TECRL: variants seen among roughly 807,000 people sequenced by gnomAD.
The protein encoded by TECRL is trans-2,3-enoyl-CoA reductase like, also known as trans-2,3-enoyl-CoA reductase-like.
A neutral mutation model predicts 52.8 loss-of-function variants in TECRL; 63 were observed. The observed-to-expected ratio is 1.19, with a 90% CI of 0.97 to 1.47. TECRL has a LOEUF of 1.47. TECRL is among the 40% of genes most tolerant of loss of function. The probability of loss-of-function intolerance (pLI) is 0.00; values close to 1 mark genes in which losing one functional copy is unlikely to be tolerated. For missense variants in TECRL, 482 were observed against 429.6 expected (o/e 1.12, Z -1.08); for synonymous variants, 164 against 141.9 (o/e 1.16, Z -1.10).
Position 64,373,345 on chromosome 4 carries a change from G to A in TECRL, c.286+1827C>T, listed in dbSNP as rs1722115261. Among the ~76,000 whole-genome samples, 3 of 151,824 alleles carry A rather than the reference G, an allele frequency of 2.0e-5. No individual in the cohort carries two copies. The South Asian group carries it at 6.2e-4, about 32-fold the overall frequency. Reference sequence around the variant, plus strand: ...AATAGCTATCAATAATTCTTGCCCTGATATAACTATTGAAACTAACTATAC... The same window carrying A: ...AATAGCTATCAATAATTCTTGCCCTAATATAACTATTGAAACTAACTATAC... On this transcript the variant is annotated intron_variant, in intron 2 of 11. Transcript: ENST00000381210.
Position 64,409,305 on chromosome 4 carries a change from A to G in TECRL, c.47T>C (p.Leu16Ser). 2 of 1,613,814 alleles carry G rather than the reference A, an allele frequency of 1.2e-6. No homozygotes were observed. The highest frequency in any genetic ancestry group is 1.7e-6 in the Non-Finnish European group (2 of 1,179,802). The part of the protein sequence containing the change: ...KSLASERKRA[L>S]LSQRATRFIL... ...GAACCGTGTAGCTCTTTGGGAAAGT[A>G]ATGCTCTCTTGCGTTCCGAAGCGAG... Residue 16 changes from leucine to serine, a missense_variant, in exon 1 of 12, where the codon TTA becomes TCA. Transcript: ENST00000381210.
intron 2 of TECRL, among the ~76,000 whole-genome samples, chr4:64,367,691 CTT>C (rs1560533820): frequency 6.6e-6 from 1 of 151,872 alleles, no homozygotes; most frequent in East Asian, 1.9e-4. Context: ...TCATAATGAT[CTT>C]TTGTCTAAAA....
chr4:64,372,168 T>G (rs1333244581), intron 2 of TECRL, among the ~76,000 whole-genome samples: 1 of 151,694 alleles, frequency 6.6e-6, no homozygotes, highest in Non-Finnish European at 1.5e-5. Flanking sequence ...TTTCTTAAGC[T>G]CTCTAGAAGA....
intron 1 of TECRL, among the ~76,000 whole-genome samples, chr4:64,388,823 T>A (rs997588907): frequency 6.6e-6 from 1 of 151,910 alleles, no homozygotes; most frequent in African/African-American, 2.4e-5. Flanking sequence ...ATATAAATAA[T>A]GTGAATATGC....
In TECRL at chr4:64,280,196, C is replaced by A; in HGVS notation, c.968G>T (p.Gly323Val). ...GATACTCATCAGAAGTGTAAAAATT[C>A]CAACTAGAAGAAAAAAGAAATAATT... ...FTVMTQTLPV[G>V]IFTLLMSIQM... Residue 323 changes from glycine to valine, a missense_variant, in exon 12 of 12, where the codon GGA becomes GTA. Gly to Val is a moderately radical substitution (Grantham distance 109). Transcript: ENST00000381210. 6.7e-7 allele frequency: 1 copy of A among 1,501,736 alleles called. No homozygotes were observed. The highest frequency in any genetic ancestry group is 8.9e-7 in the Non-Finnish European group (1 of 1,125,626). 93.0% of individuals were successfully genotyped at this position (1,501,736 alleles called of 1,614,324 possible). A position where few individuals can be genotyped will look rare whatever the true frequency, so the allele number is the denominator to read the frequency against.
intron 5 of TECRL, 95 bp downstream of exon 5, chr4:64,314,553 T>TA: frequency 1.1e-6 from 1 of 901,754 alleles, no homozygotes; most frequent in Non-Finnish European, 1.8e-6. Context: ...ATTAATATTT[T>TA]ACCTGCTTAC....
chr4:64,321,696 G>A (rs1486680670), intron 4 of TECRL, among the ~76,000 whole-genome samples: 3 of 151,896 alleles, frequency 2.0e-5, no homozygotes, highest in Non-Finnish European at 4.4e-5. Flanking sequence ...TATTTTCACT[G>A]CCTCTTAACC....
intron 5 of TECRL, 73 bp from the exon 6 acceptor site, chr4:64,310,004 T>A (rs1208750538): frequency 1.7e-5 from 15 of 903,794 alleles, no homozygotes; most frequent in African/African-American, 5.2e-5. Flanking sequence ...TGATACATTT[T>A]AATTTTTTTA....
intron 3 of TECRL, 80 bp from the exon 4 acceptor site, chr4:64,322,872 A>T (rs1718004761): frequency 9.9e-7 from 1 of 1,009,610 alleles, no homozygotes; most frequent in African/African-American, 1.7e-5. Flanking sequence ...GTGTAAAATC[A>T]GTAAAAGCTA....
intron 1 of TECRL, among the ~76,000 whole-genome samples, chr4:64,382,507 A>G (rs1255115698): frequency 1.3e-5 from 2 of 150,896 alleles, no homozygotes; most frequent in African/African-American, 2.4e-5. Context: ...TTTATTTTCA[A>G]ATTTAACTAA....
chr4:64,315,183 A>C (rs1172290856), intron 4 of TECRL, among the ~76,000 whole-genome samples: 1 of 151,466 alleles, frequency 6.6e-6, no homozygotes, highest in Non-Finnish European at 1.5e-5. Flanking sequence ...TCCCTACCCT[A>C]CCCTCCATGG....
At chr4:64,351,854 T>A (rs796681294) in intron 2 of TECRL, among the ~76,000 whole-genome samples, 9 of 152,314 alleles carry the variant, frequency 5.9e-5, no homozygotes, top group African/African-American at 2.2e-4. Flanking sequence ...TAAATTAGTC[T>A]AATTCAGTAT....
At chr4:64,294,765 A>G (rs1723586339) in intron 8 of TECRL, among the ~76,000 whole-genome samples, 1 of 152,052 alleles carries the variant, frequency 6.6e-6, no homozygotes, top group Non-Finnish European at 1.5e-5. Flanking sequence ...TATAGCAACA[A>G]TAATAGTAAT....
At chr4:64,292,885 C>G (rs1206042600) in intron 8 of TECRL, among the ~76,000 whole-genome samples, 1 of 151,962 alleles carries the variant, frequency 6.6e-6, no homozygotes, top group Non-Finnish European at 1.5e-5. Flanking sequence ...AAAAAATCCA[C>G]TAGGTGCTAG....
rs768133298 is a variant in TECRL, at chr4:64,409,282, A to G, written c.70T>C (p.Phe24Leu). The change falls in exon 1 of 12, where the codon TTC (phenylalanine) becomes CTC (leucine). Residue 24 changes from phenylalanine to leucine, a missense_variant. Transcript: ENST00000381210. ...TTTCTCATATCATCCTTCAGTATGAACCGTGTAGCTCTTTGGGAAAGTAAT... is the reference window on the plus strand; with the variant it reads ...TTTCTCATATCATCCTTCAGTATGAGCCGTGTAGCTCTTTGGGAAAGTAAT... Reference protein sequence around the residue: ...RALLSQRATRFILKDDMRNFH... With the variant: ...RALLSQRATRLILKDDMRNFH... 1.4e-5 allele frequency: 23 copies of G among 1,613,780 alleles called. No homozygotes were observed. The highest frequency in any genetic ancestry group is 8.5e-6 in the Non-Finnish European group (10 of 1,179,856).
intron 1 of TECRL, among the ~76,000 whole-genome samples, chr4:64,402,088 A>T (rs1023545411): frequency 6.6e-6 from 1 of 152,142 alleles, no homozygotes; most frequent in Non-Finnish European, 1.5e-5. Context: ...AGGGAAATAC[A>T]AACTTTAGAA....
At position 64,373,401 on chromosome 4, in the gene TECRL, C is replaced by T. The variant is rs1386677020; in HGVS notation, c.286+1771G>A. On this transcript the variant is annotated intron_variant, in intron 2 of 11. Transcript: ENST00000381210. ...TCATATTGTCAGCTATCTACTTTTG[C>T]AACAGGACATTTCTAGGATTTTTTG... 4.0e-5 allele frequency among the ~76,000 whole-genome samples: 6 copies of T among 151,684 alleles called. No individual in the cohort carries two copies. In the East Asian group the frequency reaches 1.2e-3, roughly 29 times the overall value.
At chr4:64,357,046 A>G (rs951371331) in intron 2 of TECRL, among the ~76,000 whole-genome samples, 3 of 152,200 alleles carry the variant, frequency 2.0e-5, no homozygotes, top group Non-Finnish European at 4.4e-5. Context: ...ACACACAAAT[A>G]CATATAAACT....
intron 5 of TECRL, among the ~76,000 whole-genome samples, chr4:64,312,003 A>T (rs928459026): frequency 6.6e-6 from 1 of 152,222 alleles, no homozygotes; most frequent in South Asian, 2.1e-4. Flanking sequence ...ATGTTCAGGT[A>T]ACAGGTTCAT....
Sources: gnomAD v4.1 joint callset for allele counts (sites outside exome capture counted in the v4.1 genomes callset) on GRCh38, gnomAD v4.1.1 for gene constraint, MANE v1.5 for transcripts, NCBI Gene and HGNC (gene_info 2026-07-23, HGNC 2026-07-21) for gene names.